RFTN1: variants seen among roughly 807,000 people sequenced by gnomAD.
RFTN1 encodes the protein raftlin.
In RFTN1, 26 loss-of-function variants were observed where a neutral mutation model predicts 46.5. The ratio of observed to expected loss-of-function variants is 0.56; its 90% CI spans 0.41 to 0.78. The LOEUF (loss-of-function observed/expected upper bound fraction) is 0.78. Ranked by LOEUF, RFTN1 falls within the 30% of genes least tolerant of loss-of-function variation. RFTN1 has a pLI of 0.00. For missense variants in RFTN1, 693 were observed against 718.7 expected (o/e 0.96, Z 0.41); for synonymous variants, 261 against 284.2 (o/e 0.92, Z 0.82).
In RFTN1 at chr3:16,498,976, C is replaced by T. The variant is rs893295394; in HGVS notation, c.-8-5099G>A. On this transcript the variant is annotated intron_variant, in intron 1 of 9. Coordinates refer to ENST00000334133, the MANE Select transcript of RFTN1 (RefSeq NM_015150.2). This position sits in a 1 kb window ranked among gnomAD's most constrained non-coding sequence, Gnocchi z 5.2. Reference sequence around the variant, plus strand: ...AAACCATGCTCACATTAGAATCCTGCAAGAGGATGGAGGCAAAAGATGGGT... The same window carrying T: ...AAACCATGCTCACATTAGAATCCTGTAAGAGGATGGAGGCAAAAGATGGGT... 6.6e-6 allele frequency among the ~76,000 whole-genome samples: 1 copy of T among 152,144 alleles called. No individual in the cohort carries two copies. The highest frequency in any genetic ancestry group is 1.5e-5 in the Non-Finnish European group (1 of 68,032).
rs968184581 is a variant in RFTN1, at chr3:16,327,759, C to T, written c.1147-883G>A. 9.6e-6 allele frequency among the ~76,000 whole-genome samples: 1 copy of T among 103,782 alleles called. No homozygotes were observed. Among genetic ancestry groups the T allele is most frequent in the Non-Finnish European group, 2.2e-5 (1 of 45,764 alleles). 68.1% of individuals were successfully genotyped at this position (103,782 alleles called of 152,430 possible). On this transcript the variant is annotated intron_variant, in intron 7 of 9. Coordinates refer to ENST00000334133, the MANE Select transcript of RFTN1 (RefSeq NM_015150.2). The surrounding 1 kb of genome is among the most constrained non-coding windows in gnomAD (Gnocchi z 4.2). ...CTGGGTGACAGAGCGGGATTCCCAT[C>T]TCAAAAAAAAAAACAAAACGAAAAA...
intron 7 of RFTN1, chr3:16,350,291 T>C (rs2125316663): frequency 6.6e-6 from 1 of 152,376 alleles, no homozygotes; most frequent in African/African-American, 2.4e-5. Flanking sequence ...TTTTTGATAT[T>C]ACAAGTAATG....
chr3:16,345,892 G>A lies in RFTN1; in HGVS notation c.1146+12040C>T, dbSNP rs1288311738. 1 of 151,604 alleles carries A rather than the reference G, an allele frequency of 6.6e-6. No individual in the cohort carries two copies. The highest frequency in any genetic ancestry group is 2.4e-5 in the African/African-American group (1 of 41,218). 9.4% of individuals were successfully genotyped at this position (151,604 alleles called of 1,614,324 possible). ...CTCCTACTGGTTCTGTTTTACTGGA[G>A]AACCCTAATACACTTCTTTCTTGTT... On this transcript the variant is annotated intron_variant, in intron 7 of 9. Coordinates refer to ENST00000334133, the MANE Select transcript of RFTN1 (RefSeq NM_015150.2). This position sits in a 1 kb window ranked among gnomAD's most constrained non-coding sequence, Gnocchi z 5.2.
rs1444430451 is a variant in RFTN1 at position 16,383,080 on chromosome 3, A to G, written c.442-4978T>C. ...GCCTCAAAATCATACCTTACAGAAG[A>G]GAAAACTGCTTAAGACATTCTGTGA... On this transcript the variant is annotated intron_variant, in intron 4 of 9. Coordinates refer to ENST00000334133, the MANE Select transcript of RFTN1 (RefSeq NM_015150.2). The surrounding 1 kb of genome is among the most constrained non-coding windows in gnomAD (Gnocchi z 4.0). Among the ~76,000 whole-genome samples the G allele has an allele frequency of 3.3e-5, 5 of 152,216 alleles. No individual in the cohort carries two copies. Among genetic ancestry groups the G allele is most frequent in the African/African-American group, 1.2e-4 (5 of 41,460 alleles).
In RFTN1 at chr3:16,475,508, C is replaced by T. The variant is rs2076266177; in HGVS notation, c.145+18217G>A. 1.3e-5 allele frequency among the ~76,000 whole-genome samples: 2 copies of T among 152,194 alleles called. No individual in the cohort carries two copies. The highest frequency in any genetic ancestry group is 1.3e-4 in the Admixed American group (2 of 15,284). ...AAACAAAAGGCAAAGAAGGCAATTA[C>T]CCTACTGGGTGAGGTGAATGATCCC... On this transcript the variant is annotated intron_variant, in intron 2 of 9. Transcript: ENST00000334133. The surrounding 1 kb of genome is among the most constrained non-coding windows in gnomAD (Gnocchi z 4.2).
intron 3 of RFTN1, among the ~76,000 whole-genome samples, chr3:16,412,765 C>A (rs1354084661): frequency 6.6e-6 from 1 of 152,194 alleles, no homozygotes; most frequent in Non-Finnish European, 1.5e-5. Context: ...CTAGAGAATC[C>A]CTTACTGGCT....
Position 16,512,315 on chromosome 3 carries a change from T to C in RFTN1, c.-9+1127A>G, listed in dbSNP as rs1464253968. 6.6e-6 allele frequency among the ~76,000 whole-genome samples: 1 copy of C among 151,912 alleles called. No individual in the cohort carries two copies. The highest frequency in any genetic ancestry group is 1.5e-5 in the Non-Finnish European group (1 of 68,028). Reference sequence around the variant, plus strand: ...GGCAGGGGTTGGAAGATGCCTAGTCTAGTTGAGCGCCCAGCTCCTGAAACA... The same window carrying C: ...GGCAGGGGTTGGAAGATGCCTAGTCCAGTTGAGCGCCCAGCTCCTGAAACA... On this transcript the variant is annotated intron_variant, in intron 1 of 9. Coordinates refer to ENST00000334133, the MANE Select transcript of RFTN1 (RefSeq NM_015150.2). This position sits in a 1 kb window ranked among gnomAD's most constrained non-coding sequence, Gnocchi z 4.3.
intron 8 of RFTN1, 70 bp from the exon 9 acceptor site, chr3:16,323,527 G>A (rs1295000030): frequency 1.8e-6 from 2 of 1,105,770 alleles, no homozygotes; most frequent in African/African-American, 1.6e-5. Flanking sequence ...CACAGATGTT[G>A]CCATCCCTAA....
At chr3:16,467,998 C>G (rs1385092359) in intron 2 of RFTN1, among the ~76,000 whole-genome samples, 2 of 152,170 alleles carry the variant, frequency 1.3e-5, no homozygotes, top group African/African-American at 4.8e-5. Context: ...CCTCAGCAAG[C>G]CTTTCCCATT....
intron 7 of RFTN1, among the ~76,000 whole-genome samples, chr3:16,354,472 TGAGGATGCCCAAG>T (rs1157831829): frequency 1.3e-5 from 2 of 152,250 alleles, no homozygotes; most frequent in Non-Finnish European, 2.9e-5. Flanking sequence ...CTGAAGGTAC[TGAGGATGCCCAAG>T]TCACCTCCTT....
At chr3:16,431,065 C>G (rs1030423591) in intron 3 of RFTN1, among the ~76,000 whole-genome samples, 1 of 152,188 alleles carries the variant, frequency 6.6e-6, no homozygotes, top group Non-Finnish European at 1.5e-5. Context: ...GCAAGCCTTG[C>G]AAATCATGTA....
In RFTN1 at chr3:16,321,877, T is replaced by G. The variant is rs1251678080; in HGVS notation, c.1332+1499A>C. Reference sequence around the variant, plus strand: ...TCTAAAGTCTCCCTGCCGACTCAAGTTTCCACTGACTTGTCCCCCTGCATG... The same window carrying G: ...TCTAAAGTCTCCCTGCCGACTCAAGGTTCCACTGACTTGTCCCCCTGCATG... On this transcript the variant is annotated intron_variant, in intron 9 of 9. Transcript: ENST00000334133. The surrounding 1 kb of genome is among the most constrained non-coding windows in gnomAD (Gnocchi z 4.8). Among the ~76,000 whole-genome samples, 2 of 152,122 alleles carry G rather than the reference T, an allele frequency of 1.3e-5. No individual in the cohort carries two copies. The highest frequency in any genetic ancestry group is 2.9e-5 in the Non-Finnish European group (2 of 68,020).
At chr3:16,355,799 A>G (rs1308022117) in intron 7 of RFTN1, among the ~76,000 whole-genome samples, 1 of 152,254 alleles carries the variant, frequency 6.6e-6, no homozygotes, top group Non-Finnish European at 1.5e-5. Context: ...TGCTGAGGCT[A>G]CTGGTCCTGC....
At chr3:16,435,230 A>G (rs2075479601) in intron 2 of RFTN1, among the ~76,000 whole-genome samples, 1 of 152,228 alleles carries the variant, frequency 6.6e-6, no homozygotes, top group Admixed American at 6.5e-5. Flanking sequence ...ATGTCAGCAT[A>G]ACATTACACA....
chr3:16,474,370 C>T lies in RFTN1; in HGVS notation c.145+19355G>A, dbSNP rs1225212600. 3.3e-5 allele frequency among the ~76,000 whole-genome samples: 5 copies of T among 152,208 alleles called. No homozygotes were observed. The highest frequency in any genetic ancestry group is 1.2e-4 in the African/African-American group (5 of 41,456). ...CAGCCCATGCTTTTAATCACTCTGC[C>T]AGCACTATTCCCTGACATGCAGGGT... On this transcript the variant is annotated intron_variant, in intron 2 of 9. Coordinates refer to ENST00000334133, the MANE Select transcript of RFTN1 (RefSeq NM_015150.2). The surrounding 1 kb of genome is among the most constrained non-coding windows in gnomAD (Gnocchi z 5.5).
chr3:16,491,791 C>A (rs1443713660), intron 2 of RFTN1, among the ~76,000 whole-genome samples: 3 of 151,270 alleles, frequency 2.0e-5, no homozygotes, highest in South Asian at 4.2e-4. Context: ...AAAAAAAAAA[C>A]AACTGCAAAT....
chr3:16,388,149 CT>C (rs1033458904), intron 4 of RFTN1, among the ~76,000 whole-genome samples: 1 of 152,216 alleles, frequency 6.6e-6, no homozygotes, highest in African/African-American at 2.4e-5. Context: ...TGTTTCCCCC[CT>C]ACCCCAAGAT....
intron 4 of RFTN1, among the ~76,000 whole-genome samples, chr3:16,393,170 C>A (rs1223614879): frequency 6.6e-6 from 1 of 152,096 alleles, no homozygotes; most frequent in Non-Finnish European, 1.5e-5. Flanking sequence ...ATAGAGGAGA[C>A]AAAGGGAGTC....
At position 16,356,530 on chromosome 3, in the gene RFTN1, G is replaced by A. The variant is rs1458888968; in HGVS notation, c.1146+1402C>T. On this transcript the variant is annotated intron_variant, in intron 7 of 9. Coordinates refer to ENST00000334133, the MANE Select transcript of RFTN1 (RefSeq NM_015150.2). The surrounding 1 kb of genome is among the most constrained non-coding windows in gnomAD (Gnocchi z 4.9). Reference sequence around the variant, plus strand: ...CCTTGCTCCTCACTTCACGTGTGCTGGGAACTGCTGCAGCTTCAAAGCTGA... The same window carrying A: ...CCTTGCTCCTCACTTCACGTGTGCTAGGAACTGCTGCAGCTTCAAAGCTGA... Among the ~76,000 whole-genome samples the A allele has an allele frequency of 1.3e-5, 2 of 152,208 alleles. No homozygotes were observed. Among genetic ancestry groups the A allele is most frequent in the Non-Finnish European group, 2.9e-5 (2 of 68,036 alleles).
Sources: allele counts gnomAD v4.1 joint callset (sites outside exome capture counted in the v4.1 genomes callset), GRCh38; gene constraint gnomAD v4.1.1; non-coding constraint Gnocchi (gnomAD v3.1); transcripts MANE v1.5; gene names NCBI Gene and HGNC (gene_info 2026-07-23, HGNC 2026-07-21).